Variants in CDH4 observed in about 807,000 individuals in gnomAD.
CDH4 encodes cadherin-4.
A neutral mutation model predicts 86.0 loss-of-function variants in CDH4; 33 were observed. That is an observed-to-expected ratio of 0.38 (90% confidence interval 0.29 to 0.51). CDH4 has a LOEUF of 0.51. Ranked by LOEUF, CDH4 falls within the 20% of genes least tolerant of loss-of-function variation. The pLI, the probability that CDH4 is intolerant of heterozygous loss-of-function variation, is 0.86. For synonymous variants in CDH4, 555 were observed against 549.4 expected (o/e 1.01, Z -0.14); for missense variants, 1,114 against 1,307.4 (o/e 0.85, Z 2.28).
chr20:61,755,269 TACCACACACACACACACGCCCCACACAC>T (rs1167303417), intron 3 of CDH4, among the ~76,000 whole-genome samples: 3 of 147,514 alleles, frequency 2.0e-5, no homozygotes, highest in Admixed American at 6.8e-5. Flanking sequence ...ACCATATCAA[TACCACACACACACACACGCCCCACACAC>T]ACCACACACA....
chr20:61,545,160 C>T (rs74331612), intron 2 of CDH4, among the ~76,000 whole-genome samples: 7,801 of 152,294 alleles, frequency 0.051, 238 homozygotes, highest in Non-Finnish European at 0.063. Context: ...AGCTCTGCCA[C>T]GCAGCATCGG....
At chr20:61,535,341 C>T (rs558012300) in intron 2 of CDH4, among the ~76,000 whole-genome samples, 13 of 152,188 alleles carry the variant, frequency 8.5e-5, no homozygotes, top group East Asian at 1.9e-4. Flanking sequence ...AGCCCCGGGG[C>T]GGCCCTCAGG....
chr20:61,544,430 C>T lies in CDH4; in HGVS notation c.170-199133C>T, dbSNP rs749396445. 1.4e-4 allele frequency among the ~76,000 whole-genome samples: 22 copies of T among 151,922 alleles called. No homozygotes were observed. Among genetic ancestry groups the T allele is most frequent in the Non-Finnish European group, 2.2e-4 (15 of 67,976 alleles). ...GGGGTGGGACTCCTGGTGTTCACTTCGTAGCTGTTCTGTGGTGGGAGCGCA... is the reference window on the plus strand; with the variant it reads ...GGGGTGGGACTCCTGGTGTTCACTTTGTAGCTGTTCTGTGGTGGGAGCGCA... On this transcript the variant is annotated intron_variant, in intron 2 of 15. Transcript: ENST00000614565. The surrounding 1 kb of genome is among the most constrained non-coding windows in gnomAD (Gnocchi z 6.5).
chr20:61,375,902 ATGG>A (rs2084867157), intron 2 of CDH4, among the ~76,000 whole-genome samples: 1 of 144,332 alleles, frequency 6.9e-6, no homozygotes, highest in Non-Finnish European at 1.5e-5. Context: ...TGGTTTGTTG[ATGG>A]TAGTGTGATG....
chr20:61,773,261 G>A, intron 4 of CDH4, 79 bp downstream of exon 4: 7 of 1,372,726 alleles, frequency 5.1e-6, no homozygotes, highest in Non-Finnish European at 6.8e-6. Context: ...CAAAGCCAGG[G>A]GCGGGTTCCG....
chr20:61,812,432 C>G (rs1232943301), intron 4 of CDH4, among the ~76,000 whole-genome samples: 1 of 152,192 alleles, frequency 6.6e-6, no homozygotes, highest in Non-Finnish European at 1.5e-5. Flanking sequence ...CAGCCCCCAG[C>G]AGCTGGAGAA....
intron 2 of CDH4, among the ~76,000 whole-genome samples, chr20:61,478,371 A>G (rs1160418086): frequency 6.6e-6 from 1 of 152,102 alleles, no homozygotes; most frequent in Admixed American, 6.6e-5. Context: ...GCTAGGGGAC[A>G]GTGGTTTACT....
chr20:61,731,472 G>A (rs949273152), intron 2 of CDH4, among the ~76,000 whole-genome samples: 3 of 152,172 alleles, frequency 2.0e-5, no homozygotes, highest in Non-Finnish European at 4.4e-5. Context: ...ATCACTCACT[G>A]GGCAGGGCCC....
intron 2 of CDH4, among the ~76,000 whole-genome samples, chr20:61,515,713 C>T (rs1337023384): frequency 6.6e-6 from 1 of 152,184 alleles, no homozygotes; most frequent in African/African-American, 2.4e-5. Context: ...CTGGCCATTG[C>T]CTCTCTTTTA....
intron 2 of CDH4, among the ~76,000 whole-genome samples, chr20:61,279,297 A>T (rs1221334285): frequency 6.6e-6 from 1 of 152,124 alleles, no homozygotes; most frequent in Non-Finnish European, 1.5e-5. Flanking sequence ...CCTCCCACCC[A>T]CTTGGCTAGA....
At chr20:61,342,278 T>C in intron 2 of CDH4, among the ~76,000 whole-genome samples, 1 of 152,198 alleles carries the variant, frequency 6.6e-6, no homozygotes, top group East Asian at 1.9e-4. Context: ...TGTACTTTAT[T>C]TCTCTTATTA....
intron 2 of CDH4, among the ~76,000 whole-genome samples, chr20:61,386,353 C>A (rs6121430): frequency 6.6e-6 from 1 of 152,146 alleles, no homozygotes; most frequent in African/African-American, 2.4e-5. Flanking sequence ...TGACACCCTC[C>A]TCCAGACAGG....
At chr20:61,342,606 AC>A (rs571347931) in intron 2 of CDH4, among the ~76,000 whole-genome samples, 75 of 152,326 alleles carry the variant, frequency 4.9e-4, no homozygotes, top group African/African-American at 1.6e-3. Context: ...CCTGCTGCTC[AC>A]CTGCGATGCA....
chr20:61,933,936 A>G (rs1015522102), intron 14 of CDH4, 120 bp from the exon 15 acceptor site: 64 of 1,124,990 alleles, frequency 5.7e-5, no homozygotes, highest in Non-Finnish European at 7.5e-5. Flanking sequence ...GGATGCTTGG[A>G]GACCAGGCCA....
intron 2 of CDH4, among the ~76,000 whole-genome samples, chr20:61,449,302 T>C (rs1030677148): frequency 3.9e-5 from 6 of 152,226 alleles, no homozygotes; most frequent in Admixed American, 1.3e-4. Flanking sequence ...CCAGCTGCCA[T>C]TGGACCCAAG....
intron 3 of CDH4, among the ~76,000 whole-genome samples, chr20:61,757,529 G>C (rs555343262): frequency 2.0e-5 from 3 of 152,328 alleles, no homozygotes; most frequent in African/African-American, 4.8e-5. Flanking sequence ...GGCGGCCCCA[G>C]ACTCCCCAGG....
chr20:61,360,222 C>T (rs894589566), intron 2 of CDH4, among the ~76,000 whole-genome samples: 1 of 152,198 alleles, frequency 6.6e-6, no homozygotes, highest in Non-Finnish European at 1.5e-5. Flanking sequence ...GTGCTGGGCA[C>T]AGCCAGAAGC....
intron 2 of CDH4, among the ~76,000 whole-genome samples, chr20:61,403,784 A>G (rs140257415): frequency 6.6e-6 from 1 of 152,224 alleles, no homozygotes; most frequent in Non-Finnish European, 1.5e-5. Flanking sequence ...TAGTAGACTT[A>G]AATTGTCTTT....
At chr20:61,290,636 T>G (rs897883489) in intron 2 of CDH4, among the ~76,000 whole-genome samples, 2 of 152,118 alleles carry the variant, frequency 1.3e-5, no homozygotes, top group Admixed American at 1.3e-4. Context: ...GGATGTGGGG[T>G]GAAGAGTTGA....
Sources: gnomAD v4.1 joint callset for allele counts (sites outside exome capture counted in the v4.1 genomes callset) on GRCh38, gnomAD v4.1.1 for gene constraint, Gnocchi (gnomAD v3.1) non-coding constraint, MANE v1.5 for transcripts, NCBI Gene and HGNC (gene_info 2026-07-23, HGNC 2026-07-21) for gene names.